ALPK2: variants seen among roughly 807,000 people sequenced by gnomAD.
ALPK2 encodes the protein alpha-protein kinase 2.
A neutral mutation model predicts 163.1 loss-of-function variants in ALPK2; 127 were observed. That is an observed-to-expected ratio of 0.78 (90% CI 0.67 to 0.90). ALPK2 has a LOEUF of 0.90. Among genes scored for constraint, ALPK2 ranks in the 40% least tolerant of loss-of-function variants. ALPK2 has a pLI of 0.00. For missense variants in ALPK2, 2,360 were observed against 2,589.6 expected (o/e 0.91, Z 1.92); for synonymous variants, 953 against 959.1 (o/e 0.99, Z 0.12).
intron 3 of ALPK2, among the ~76,000 whole-genome samples, chr18:58,583,514 G>A (rs1404479350): frequency 2.0e-5 from 3 of 151,968 alleles, no homozygotes; most frequent in African/African-American, 4.8e-5. Flanking sequence ...AGCACTGACA[G>A]CATAAAAAAG....
In ALPK2 at chr18:58,626,698, T is replaced by A. The variant is rs189995589; in HGVS notation, c.-21+2066A>T. On this transcript the variant is annotated intron_variant, in intron 1 of 12. Transcript: ENST00000361673. ...ATCAACTATTTTTAGTAAAAAAAAA[T>A]TTTTTCTTATTTATCATAGATACAT... 6.6e-3 allele frequency among the ~76,000 whole-genome samples: 1,001 copies of A among 152,200 alleles called. 5 individuals are homozygous for A. Among genetic ancestry groups the A allele is most frequent in the African/African-American group, 0.015 (618 of 41,536 alleles).
chr18:58,596,309 A>G (rs1305106842), intron 3 of ALPK2, among the ~76,000 whole-genome samples: 1 of 152,048 alleles, frequency 6.6e-6, no homozygotes, highest in East Asian at 1.9e-4. Flanking sequence ...TATCTCCTTG[A>G]TCTGACCATC....
At chr18:58,553,985 C>A (rs2051775140) in intron 4 of ALPK2, among the ~76,000 whole-genome samples, 1 of 149,948 alleles carries the variant, frequency 6.7e-6, no homozygotes, top group African/African-American at 2.5e-5. Context: ...CCTCAGCCTC[C>A]TGAGTACCTG....
Position 58,579,484 on chromosome 18 carries a change from A to C in ALPK2, c.1292T>G (p.Leu431Arg). The change falls in exon 4 of 13, where the codon CTC becomes CGC. Residue 431 changes from leucine to arginine, a missense_variant. Transcript: ENST00000361673. ...GPSSPQTGMT[L>R]ILGPHQDGTS... ...TCCATCCTGGTGAGGTCCCAAAATG[A>C]GAGTCATCCCTGTTTGTGGGGATGA... 6.2e-7 allele frequency: 1 copy of C among 1,614,090 alleles called. No homozygotes were observed. The highest frequency in any genetic ancestry group is 8.5e-7 in the Non-Finnish European group (1 of 1,180,024).
intron 2 of ALPK2, among the ~76,000 whole-genome samples, chr18:58,608,387 C>T (rs568361301): frequency 5.2e-4 from 79 of 152,306 alleles, no homozygotes; most frequent in African/African-American, 1.6e-3. Flanking sequence ...TGGGCTAATC[C>T]GGTAAAACCT....
intron 2 of ALPK2, among the ~76,000 whole-genome samples, chr18:58,608,418 T>C (rs1255253451): frequency 2.6e-5 from 4 of 152,234 alleles, no homozygotes; most frequent in Admixed American, 6.5e-5. Context: ...CATCCACCCC[T>C]TGGGATTTTT....
intron 1 of ALPK2, among the ~76,000 whole-genome samples, chr18:58,625,219 C>T (rs748143364): frequency 1.1e-4 from 16 of 151,218 alleles, no homozygotes; most frequent in South Asian, 4.2e-4. Flanking sequence ...AAACTAGAGA[C>T]CATTAGCCTC....
At chr18:58,568,477 T>A (rs147252418) in intron 4 of ALPK2, among the ~76,000 whole-genome samples, 373 of 152,296 alleles carry the variant, frequency 2.4e-3, no homozygotes, top group African/African-American at 8.3e-3. Context: ...ACCACAGCTG[T>A]GCCTCAGTTA....
In ALPK2 at chr18:58,573,366, A is replaced by ATG. The variant is rs1568089450; in HGVS notation, c.1962+5447_1962+5448insCA. Among the ~76,000 whole-genome samples the ATG allele has an allele frequency of 4.9e-5, 7 of 144,126 alleles. No homozygotes were observed. In the East Asian group the frequency reaches 1.2e-3, roughly 24 times the overall value. The allele number at this position is 144,126 out of a possible 152,430, so 94.6% of individuals were successfully genotyped here. ...TATATGTATATATATATGTGTGTGT[A>ATG]TATATATATGTGTGTGTATATATAT... On this transcript the variant is annotated intron_variant, in intron 4 of 12. Coordinates refer to ENST00000361673, the MANE Select transcript of ALPK2 (RefSeq NM_052947.4).
intron 3 of ALPK2, among the ~76,000 whole-genome samples, chr18:58,583,506 C>T (rs1343702330): frequency 1.3e-5 from 2 of 152,034 alleles, no homozygotes; most frequent in East Asian, 3.9e-4. Context: ...CTCCATTAAG[C>T]ACTGACAGCA....
chr18:58,554,832 G>A (rs563933229), intron 4 of ALPK2, among the ~76,000 whole-genome samples: 12 of 152,114 alleles, frequency 7.9e-5, no homozygotes, highest in Non-Finnish European at 1.8e-4. Flanking sequence ...CATGTATTGT[G>A]GGAGGGACCC....
At chr18:58,554,824 T>C (rs3897935) in intron 4 of ALPK2, among the ~76,000 whole-genome samples, 29,605 of 152,058 alleles carry the variant, frequency 0.19, 3,233 homozygotes, top group East Asian at 0.3. Context: ...ATAATCCCCA[T>C]GTATTGTGGG....
At chr18:58,553,771 G>A (rs2051771662) in intron 4 of ALPK2, among the ~76,000 whole-genome samples, 1 of 149,964 alleles carries the variant, frequency 6.7e-6, no homozygotes, top group African/African-American at 2.5e-5. Flanking sequence ...GGCTTCCCCA[G>A]CCATGCTGAA....
intron 4 of ALPK2, among the ~76,000 whole-genome samples, chr18:58,548,067 G>A (rs565564257): frequency 1.3e-5 from 2 of 152,242 alleles, no homozygotes; most frequent in South Asian, 4.2e-4. Context: ...TTAGAAGCAG[G>A]AAATACTTGT....
chr18:58,558,305 A>C (rs1441014074), intron 4 of ALPK2, among the ~76,000 whole-genome samples: 1 of 152,246 alleles, frequency 6.6e-6, no homozygotes. Flanking sequence ...TAATACCAAA[A>C]AAATGTAAAA....
chr18:58,481,763 A>G lies in ALPK2; in HGVS notation c.*60T>C. 1 of 1,407,026 alleles carries G rather than the reference A, an allele frequency of 7.1e-7. No individual in the cohort carries two copies. The highest frequency in any genetic ancestry group is 2.3e-5 in the East Asian group (1 of 43,842). The allele number at this position is 1,407,026 out of a possible 1,614,324, so 87.2% of individuals were successfully genotyped here. A position where few individuals can be genotyped will look rare whatever the true frequency, so the allele number is the denominator to read the frequency against. On this transcript the variant is annotated 3_prime_UTR_variant, in exon 13 of 13. Coordinates refer to ENST00000361673, the MANE Select transcript of ALPK2 (RefSeq NM_052947.4). Reference sequence around the variant, plus strand: ...TGTATATTCTCTCCTGTGTGGCCTCAGATTTTCCCTGGCGAGATTGTGTGC... The same window carrying G: ...TGTATATTCTCTCCTGTGTGGCCTCGGATTTTCCCTGGCGAGATTGTGTGC...
chr18:58,505,483 G>T (rs746795327), intron 10 of ALPK2, among the ~76,000 whole-genome samples: 3 of 151,930 alleles, frequency 2.0e-5, no homozygotes, highest in Non-Finnish European at 2.9e-5. Flanking sequence ...GCTCCATCCT[G>T]AACCACCTCC....
chr18:58,594,684 T>C (rs2052032436), intron 3 of ALPK2, among the ~76,000 whole-genome samples: 1 of 152,122 alleles, frequency 6.6e-6, no homozygotes, highest in Non-Finnish European at 1.5e-5. Flanking sequence ...CTGCTTCTTG[T>C]CTCCACAAAA....
intron 1 of ALPK2, among the ~76,000 whole-genome samples, chr18:58,627,420 AG>A (rs1483680494): frequency 6.6e-6 from 1 of 152,196 alleles, no homozygotes; most frequent in Non-Finnish European, 1.5e-5. Context: ...CAGGAGTTCA[AG>A]ACCAGCCTGG....
Sources: allele counts gnomAD v4.1 joint callset (sites outside exome capture counted in the v4.1 genomes callset), GRCh38; gene constraint gnomAD v4.1.1; transcripts MANE v1.5; gene names NCBI Gene and HGNC (gene_info 2026-07-23, HGNC 2026-07-21).